The following GPR78 variants were observed in gnomAD, a reference collection of about 807,000 sequenced individuals.
The protein encoded by GPR78 is G protein-coupled receptor 78.
A neutral mutation model predicts 17.9 loss-of-function variants in GPR78; 29 were observed. That is an observed-to-expected ratio of 1.62 (90% CI 1.20 to 2.21). The LOEUF is 2.21. GPR78 is among the 30% of genes most tolerant of loss of function. The pLI, the probability that GPR78 is intolerant of heterozygous loss-of-function variation, is 0.00. For missense variants in GPR78, 649 were observed against 530.5 expected (o/e 1.22, Z -2.19); for synonymous variants, 349 against 256.9 (o/e 1.36, Z -3.43).
In GPR78 at chr4:8,580,909, C is replaced by A; in HGVS notation, c.-74C>A. The A allele has an allele frequency of 1.5e-6, 2 of 1,344,074 alleles. No homozygotes were observed. Among genetic ancestry groups the A allele is most frequent in the African/African-American group, 1.5e-5 (1 of 68,182 alleles). 83.3% of individuals were successfully genotyped at this position (1,344,074 alleles called of 1,614,324 possible). A position where few individuals can be genotyped will look rare whatever the true frequency, so the allele number is the denominator to read the frequency against. ...TGGGCGCGCCGCTCAGCTGCTCCAT[C>A]GCCTCACTTTCCCAGGCTCGCGCCC... is the stretch of plus-strand genomic sequence containing the variant. On this transcript the variant is annotated 5_prime_UTR_variant, in exon 1 of 3. Transcript: ENST00000382487.
At chr4:8,582,359 C>T (rs1159890343) in intron 1 of GPR78, among the ~76,000 whole-genome samples, 172 bp from the exon 2 acceptor site, 1 of 152,146 alleles carries the variant, frequency 6.6e-6, no homozygotes, top group Non-Finnish European at 1.5e-5. Flanking sequence ...TACAAAAAAG[C>T]AAGCCTACCC....
rs1322217439 is a variant in GPR78, at chr4:8,580,435, G to A, written c.-548G>A. On this transcript the variant is annotated 5_prime_UTR_variant, in exon 1 of 3. Transcript: ENST00000382487. Reference sequence around the variant, plus strand: ...AGTTTGGTGCCAGCGCCTGGAGGGAGAGGCGTGGCGAGGGCTGTGCTGCCT... The same window carrying A: ...AGTTTGGTGCCAGCGCCTGGAGGGAAAGGCGTGGCGAGGGCTGTGCTGCCT... The A allele has an allele frequency of 6.5e-6, 1 of 152,914 alleles. No individual in the cohort carries two copies. Among genetic ancestry groups the A allele is most frequent in the African/African-American group, 2.4e-5 (1 of 41,466 alleles). The allele number at this position is 152,914 out of a possible 1,614,324, so 9.5% of individuals were successfully genotyped here. A position where few individuals can be genotyped will look rare whatever the true frequency, so the allele number is the denominator to read the frequency against.
At position 8,581,247 on chromosome 4, in the gene GPR78, C is replaced by A; in HGVS notation, c.265C>A (p.Leu89Met). The change falls in exon 1 of 3, where the codon CTG becomes ATG. Residue 89 changes from leucine (L) to methionine (M), a missense_variant. Transcript: ENST00000382487. ...CQVIGFLDTFLASNAALSVAA... is the reference protein window; with the variant it reads ...CQVIGFLDTFMASNAALSVAA... ...AGTCATTGGCTTCCTGGACACCTTC[C>A]TGGCGTCCAACGCGGCGCTGAGCGT... 1 of 1,594,100 alleles carries A rather than the reference C, an allele frequency of 6.3e-7. No homozygotes were observed. The highest frequency in any genetic ancestry group is 8.5e-7 in the Non-Finnish European group (1 of 1,175,178).
At chr4:8,585,534 G>C (rs1473568638) in intron 2 of GPR78, among the ~76,000 whole-genome samples, 1 of 152,166 alleles carries the variant, frequency 6.6e-6, no homozygotes, top group African/African-American at 2.4e-5. Flanking sequence ...TGGGCTCCCT[G>C]TATGTGGGGG....
chr4:8,588,491 G>GGT lies in GPR78; in HGVS notation c.*1138_*1139dup, dbSNP rs1256222895. 2.6e-5 allele frequency among the ~76,000 whole-genome samples: 4 copies of GGT among 152,204 alleles called. No homozygotes were observed. The highest frequency in any genetic ancestry group is 6.5e-5 in the Admixed American group (1 of 15,282). Reference sequence around the variant, plus strand: ...AGTGCACACGGGCACCCGGTGGAGAGGTGTGTGTGTGAATGAGTGAGCGAG... The same window carrying GGT: ...AGTGCACACGGGCACCCGGTGGAGAGGTGTGTGTGTGTGAATGAGTGAGCGAG... On this transcript the variant is annotated 3_prime_UTR_variant, in exon 3 of 3. Coordinates refer to ENST00000382487, the MANE Select transcript of GPR78 (RefSeq NM_080819.5).
chr4:8,582,868 C>G (rs1197448750), intron 2 of GPR78: 1 of 518,754 alleles, frequency 1.9e-6, no homozygotes, highest in African/African-American at 1.9e-5. Context: ...AGGAGACTCT[C>G]CTTGTCCAGG....
rs1713569409 is a variant in GPR78, at chr4:8,587,626, C to G, written c.*263C>G. On this transcript the variant is annotated 3_prime_UTR_variant, in exon 3 of 3. Transcript: ENST00000382487. ...TCCTCTCTGAACCTTAGCTTCCTCA[C>G]CCTTGTTCTGGGGTCATGGCGATGC... 1 of 560,178 alleles carries G rather than the reference C, an allele frequency of 1.8e-6. No homozygotes were observed. Among genetic ancestry groups the G allele is most frequent in the Admixed American group, 3.1e-5 (1 of 32,184 alleles). The allele number at this position is 560,178 out of a possible 1,614,324, so 34.7% of individuals were successfully genotyped here. A position where few individuals can be genotyped will look rare whatever the true frequency, so the allele number is the denominator to read the frequency against.
intron 2 of GPR78, among the ~76,000 whole-genome samples, chr4:8,583,316 T>C (rs1713372039): frequency 1.3e-5 from 2 of 152,162 alleles, no homozygotes; most frequent in African/African-American, 4.8e-5. Flanking sequence ...GGCACCGTGG[T>C]TAGAGGGAGG....
Position 8,587,355 on chromosome 4 carries a change from A to G in GPR78, c.1084A>G (p.Thr362Ala), listed in dbSNP as rs772902703. The part of the protein sequence containing the change: ...DTENDSCLQQ[T>A]H ...AGAGAATGATTCCTGCCTGCAGCAG[A>G]CACACTGAGGGCCTGGCAGGGCTCA... Residue 362 changes from threonine (T) to alanine (A), a missense_variant, in exon 3 of 3, where the codon ACA becomes GCA. Physicochemically the swap from Thr to Ala is moderately conservative, Grantham distance 58 (BLOSUM62 0). Coordinates refer to ENST00000382487, the MANE Select transcript of GPR78 (RefSeq NM_080819.5). The G allele has an allele frequency of 1.2e-6, 2 of 1,612,274 alleles. No homozygotes were observed. The highest frequency in any genetic ancestry group is 1.7e-6 in the Non-Finnish European group (2 of 1,179,550).
rs567887601 is a variant in GPR78, at chr4:8,580,439, C to T, written c.-544C>T. On this transcript the variant is annotated 5_prime_UTR_variant, in exon 1 of 3. Coordinates refer to ENST00000382487, the MANE Select transcript of GPR78 (RefSeq NM_080819.5). ...TGGTGCCAGCGCCTGGAGGGAGAGG[C>T]GTGGCGAGGGCTGTGCTGCCTAGGA... 6.5e-6 allele frequency: 1 copy of T among 152,916 alleles called. No individual in the cohort carries two copies. Among genetic ancestry groups the T allele is most frequent in the Non-Finnish European group, 1.5e-5 (1 of 68,646 alleles). 9.5% of individuals were successfully genotyped at this position (152,916 alleles called of 1,614,324 possible).
At position 8,588,525 on chromosome 4, in the gene GPR78, T is replaced by C. The variant is rs555385641; in HGVS notation, c.*1162T>C. The stretch of plus-strand genomic sequence containing the variant: ...GTGAATGAGTGAGCGAGTGAATGAA[T>C]GGACACGATTCTCTCTTCAGCCTCT... On this transcript the variant is annotated 3_prime_UTR_variant, in exon 3 of 3. Transcript: ENST00000382487. Among the ~76,000 whole-genome samples, 154 of 152,344 alleles carry C rather than the reference T, an allele frequency of 1.0e-3. No individual in the cohort carries two copies. The highest frequency in any genetic ancestry group is 1.6e-3 in the Admixed American group (25 of 15,306).
intron 2 of GPR78, among the ~76,000 whole-genome samples, chr4:8,586,314 G>C (rs1234647696): frequency 6.6e-6 from 1 of 152,184 alleles, no homozygotes; most frequent in South Asian, 2.1e-4. Context: ...GAAAAGCACT[G>C]GGCTCAGACA....
In GPR78 at chr4:8,580,982, C is replaced by T; in HGVS notation, c.-1C>T. The T allele has an allele frequency of 6.3e-7, 1 of 1,575,772 alleles. No individual in the cohort carries two copies. ...AGGGTGCCTGGCGAGCCGCTAGCGC[C>T]ATGGGCCCCGGCGAGGCGCTGCTGG... is the stretch of plus-strand genomic sequence containing the variant. On this transcript the variant is annotated 5_prime_UTR_variant, in exon 1 of 3. Transcript: ENST00000382487.
At chr4:8,582,713 T>A in intron 2 of GPR78, 69 bp downstream of exon 2, 2 of 1,026,972 alleles carry the variant, frequency 1.9e-6, no homozygotes, top group South Asian at 2.5e-5. Context: ...TGAGTAGGCC[T>A]CTGAGGTTTC....
In GPR78 at chr4:8,581,017, T is replaced by C. The variant is rs372013539; in HGVS notation, c.35T>C (p.Leu12Pro). 53 of 1,593,300 alleles carry C rather than the reference T, an allele frequency of 3.3e-5. No individual in the cohort carries two copies. The highest frequency in any genetic ancestry group is 4.3e-5 in the Non-Finnish European group (50 of 1,170,846). The change falls in exon 1 of 3, where the codon CTG becomes CCG. Residue 12 changes from leucine (L) to proline (P), a missense_variant. Leu to Pro is a moderately conservative substitution (Grantham distance 98). Coordinates refer to ENST00000382487, the MANE Select transcript of GPR78 (RefSeq NM_080819.5). The stretch of plus-strand genomic sequence containing the variant: ...GGCGAGGCGCTGCTGGCGGGTCTCC[T>C]GGTGATGGTACTGGCCGTGGCGCTG... ...GPGEALLAGL[L>P]VMVLAVALLS...
At chr4:8,585,907 G>A (rs1713485792) in intron 2 of GPR78, among the ~76,000 whole-genome samples, 1 of 152,224 alleles carries the variant, frequency 6.6e-6, no homozygotes, top group Non-Finnish European at 1.5e-5. Context: ...ACTAATGAGT[G>A]ACCCAGCCAA....
chr4:8,585,739 T>C (rs1163563949), intron 2 of GPR78, among the ~76,000 whole-genome samples: 9 of 152,116 alleles, frequency 5.9e-5, no homozygotes, highest in African/African-American at 2.2e-4. Context: ...CTCTCTGTCG[T>C]CACATTCTGG....
rs1218159249 is a variant in GPR78 at position 8,587,944 on chromosome 4, C to G, written c.*581C>G. Among the ~76,000 whole-genome samples the G allele has an allele frequency of 6.6e-6, 1 of 152,202 alleles. No homozygotes were observed. Among genetic ancestry groups the G allele is most frequent in the African/African-American group, 2.4e-5 (1 of 41,460 alleles). ...AGGCACGGGCAGTCCCTGGGACATG[C>G]CCATCTCTGGAAGCCTAGGGGTCCC... On this transcript the variant is annotated 3_prime_UTR_variant, in exon 3 of 3. Coordinates refer to ENST00000382487, the MANE Select transcript of GPR78 (RefSeq NM_080819.5).
chr4:8,585,962 C>T (rs73213334), intron 2 of GPR78, among the ~76,000 whole-genome samples: 24,730 of 152,236 alleles, frequency 0.16, 2,607 homozygotes, highest in Non-Finnish European at 0.24. Flanking sequence ...GGGGGTGGGA[C>T]ATCCTGGGAC....
Sources: allele counts gnomAD v4.1 joint callset (sites outside exome capture counted in the v4.1 genomes callset), GRCh38; gene constraint gnomAD v4.1.1; transcripts MANE v1.5; gene names NCBI Gene and HGNC (gene_info 2026-07-23, HGNC 2026-07-21).